The following ZBTB38 variants were observed in gnomAD, a reference collection of about 807,000 sequenced individuals.
The protein encoded by ZBTB38 is zinc finger and BTB domain-containing protein 38.
ZBTB38 carries 20 observed loss-of-function variants against 76.8 expected under a neutral mutation model. The observed-to-expected ratio is 0.26, with a 90% CI of 0.18 to 0.38. ZBTB38 has a LOEUF of 0.38. ZBTB38 is among the 10% of genes least tolerant of loss of function. The probability of loss-of-function intolerance (pLI) is 1.00; values close to 1 mark genes in which losing one functional copy is unlikely to be tolerated. For synonymous variants in ZBTB38, 504 were observed against 544.2 expected (o/e 0.93, Z 1.03); for missense variants, 1,082 against 1,482.3 (o/e 0.73, Z 4.43).
At chr3:141,346,962 T>A (rs1943381846) in intron 1 of ZBTB38, among the ~76,000 whole-genome samples, 1 of 152,186 alleles carries the variant, frequency 6.6e-6, no homozygotes, top group Non-Finnish European at 1.5e-5. Context: ...AACAGCTGGT[T>A]CAGCACTTCC....
At chr3:141,406,661 T>C (rs993167741) in intron 5 of ZBTB38, among the ~76,000 whole-genome samples, 3 of 151,728 alleles carry the variant, frequency 2.0e-5, no homozygotes, top group African/African-American at 7.3e-5. Flanking sequence ...AGAGAGAATA[T>C]AGGGGAAAAA....
At chr3:141,373,852 G>A (rs889281809) in intron 2 of ZBTB38, among the ~76,000 whole-genome samples, 1 of 152,198 alleles carries the variant, frequency 6.6e-6, no homozygotes, top group African/African-American at 2.4e-5. Context: ...GATAAAGGCC[G>A]GGAGTGGTGG....
At chr3:141,396,744 C>G (rs1291941642) in intron 4 of ZBTB38, among the ~76,000 whole-genome samples, 1 of 152,224 alleles carries the variant, frequency 6.6e-6, no homozygotes, top group Non-Finnish European at 1.5e-5. Context: ...CAACATTTAT[C>G]TCCTTGTACA....
chr3:141,365,367 C>T (rs1239262699), upstream of ZBTB38, among the ~76,000 whole-genome samples: 1 of 152,090 alleles, frequency 6.6e-6, no homozygotes, highest in African/African-American at 2.4e-5. Flanking sequence ...CTGGTGAGGA[C>T]CTTCTTGCTG....
rs2080633623 is a variant in ZBTB38 at position 141,443,352 on chromosome 3, G to T, written c.964G>T (p.Asp322Tyr). The change falls in exon 6 of 6, where the codon GAT becomes TAT. Residue 322 changes from aspartate to tyrosine, a missense_variant. Physicochemically the swap from Asp to Tyr is radical, Grantham distance 160. This residue lies in a region of ZBTB38 where 324 missense variants were observed against 359.1 expected (regional missense o/e 0.90). Coordinates refer to ENST00000321464, the MANE Select transcript of ZBTB38 (RefSeq NM_001376113.1). This position sits in a 1 kb window ranked among gnomAD's most constrained non-coding sequence, Gnocchi z 5.6. ...NEGDVHFSRE[D>Y]ENQSSDVPGP... ...AGGAGATGTCCATTTTTCCAGGGAA[G>T]ATGAAAATCAATCTTCTGATGTTCC... The T allele has an allele frequency of 6.2e-7, 1 of 1,614,210 alleles. No homozygotes were observed. Among genetic ancestry groups the T allele is most frequent in the Non-Finnish European group, 8.5e-7 (1 of 1,180,046 alleles).
intron 1 of ZBTB38, among the ~76,000 whole-genome samples, chr3:141,358,389 A>G (rs895083424): frequency 6.6e-6 from 1 of 152,238 alleles, no homozygotes; most frequent in African/African-American, 2.4e-5. Context: ...GATCTGTCCA[A>G]TTGTCTGCCA....
intron 5 of ZBTB38, among the ~76,000 whole-genome samples, chr3:141,411,360 C>G (rs969134446): frequency 6.6e-6 from 1 of 152,188 alleles, no homozygotes; most frequent in Non-Finnish European, 1.5e-5. Flanking sequence ...CCTATTTAGT[C>G]TGGTCTTATA....
Position 141,442,257 on chromosome 3 carries a change from G to C in ZBTB38, c.1-132G>C. On this transcript the variant is annotated intron_variant, in intron 5 of 5. Transcript: ENST00000321464. This position sits in a 1 kb window ranked among gnomAD's most constrained non-coding sequence, Gnocchi z 6.4. ...TAATGTTGACTCTTGAGTCTCGGGAGCATCAACAGAATGAGATAAAAACCT... is the reference window on the plus strand; with the variant it reads ...TAATGTTGACTCTTGAGTCTCGGGACCATCAACAGAATGAGATAAAAACCT... The C allele has an allele frequency of 7.6e-6, 5 of 656,652 alleles. No homozygotes were observed. The African/African-American group carries it at 9.1e-5, about 12-fold the overall frequency. The allele number at this position is 656,652 out of a possible 1,614,324, so 40.7% of individuals were successfully genotyped here. A position where few individuals can be genotyped will look rare whatever the true frequency, so the allele number is the denominator to read the frequency against.
intron 1 of ZBTB38, among the ~76,000 whole-genome samples, chr3:141,324,680 G>T (rs1942620967): frequency 6.6e-6 from 1 of 152,122 alleles, no homozygotes; most frequent in South Asian, 2.1e-4. Flanking sequence ...CATTGATGAA[G>T]AAAGAAAAGA....
chr3:141,412,437 G>T (rs1291119468), intron 5 of ZBTB38, among the ~76,000 whole-genome samples: 1 of 152,006 alleles, frequency 6.6e-6, no homozygotes, highest in Non-Finnish European at 1.5e-5. Context: ...GAAAGCACAG[G>T]CAGAAACTCA....
intron 3 of ZBTB38, chr3:141,386,084 T>C (rs1392439921): frequency 2.6e-5 from 4 of 152,224 alleles, no homozygotes; most frequent in Non-Finnish European, 5.9e-5. Context: ...AGCCTTTTGG[T>C]ATTCCTATTA....
At chr3:141,430,390 C>G (rs995544955) in intron 5 of ZBTB38, among the ~76,000 whole-genome samples, 7 of 152,128 alleles carry the variant, frequency 4.6e-5, no homozygotes, top group Non-Finnish European at 8.8e-5. Flanking sequence ...TTAAAGATCA[C>G]CCTACATACT....
chr3:141,330,377 T>C (rs2102557), intron 1 of ZBTB38, among the ~76,000 whole-genome samples: 3,684 of 152,304 alleles, frequency 0.024, 159 homozygotes, highest in Admixed American at 0.12. Flanking sequence ...TGCTAGCAAG[T>C]CCATTGCAAC....
At chr3:141,392,401 T>G (rs768860025) in intron 4 of ZBTB38, among the ~76,000 whole-genome samples, 2 of 152,246 alleles carry the variant, frequency 1.3e-5, no homozygotes, top group African/African-American at 2.4e-5. Flanking sequence ...AGTCCCCCTA[T>G]GAAACTGCAG....
intron 5 of ZBTB38, among the ~76,000 whole-genome samples, chr3:141,430,053 GTTTT>G (rs1163085181): frequency 1.3e-5 from 2 of 151,518 alleles, no homozygotes; most frequent in African/African-American, 2.4e-5. Flanking sequence ...TTGTTTTTTC[GTTTT>G]TTGTTTTGTT....
At chr3:141,350,253 T>G (rs1408611287) in intron 1 of ZBTB38, among the ~76,000 whole-genome samples, 1 of 152,216 alleles carries the variant, frequency 6.6e-6, no homozygotes, top group East Asian at 1.9e-4. Context: ...AAGTCTTTTG[T>G]GCTTTCTTTA....
chr3:141,412,655 G>A (rs1957061217), intron 5 of ZBTB38, among the ~76,000 whole-genome samples: 1 of 152,078 alleles, frequency 6.6e-6, no homozygotes, highest in South Asian at 2.1e-4. Flanking sequence ...CCTAAACCAG[G>A]TGAATAGGGG....
intron 4 of ZBTB38, chr3:141,389,194 A>G (rs1448986316): frequency 2.6e-5 from 4 of 152,198 alleles, no homozygotes; most frequent in Non-Finnish European, 5.9e-5. Context: ...TGTGAAGAAC[A>G]TTGAGATTCA....
chr3:141,374,425 G>T (rs1377750680), intron 2 of ZBTB38, among the ~76,000 whole-genome samples: 1 of 152,090 alleles, frequency 6.6e-6, no homozygotes, highest in Non-Finnish European at 1.5e-5. Context: ...ATTCTATGGG[G>T]CTCCCAGTGC....
Sources: gnomAD v4.1 joint callset for allele counts (sites outside exome capture counted in the v4.1 genomes callset) on GRCh38, gnomAD v4.1.1 for gene constraint, gnomAD v4.1.1 regional missense constraint, Gnocchi (gnomAD v3.1) non-coding constraint, MANE v1.5 for transcripts, NCBI Gene and HGNC (gene_info 2026-07-23, HGNC 2026-07-21) for gene names.